The following CELF2 variants were observed in gnomAD, a reference collection of about 807,000 sequenced individuals.
CELF2 encodes the protein CUG triplet repeat RNA-binding protein 2.
CELF2 carries 8 observed loss-of-function variants against 62.6 expected under a neutral mutation model. The ratio of observed to expected loss-of-function variants is 0.13; its 90% CI spans 0.07 to 0.23. The LOEUF (loss-of-function observed/expected upper bound fraction) is 0.23. Among genes scored for constraint, CELF2 ranks in the 10% least tolerant of loss-of-function variants. The probability of loss-of-function intolerance (pLI) is 1.00; values close to 1 mark genes in which losing one functional copy is unlikely to be tolerated. For synonymous variants in CELF2, 258 were observed against 250.0 expected, an observed-to-expected ratio of 1.03 and a Z score of -0.30; for missense variants, 333 against 671.0, an observed-to-expected ratio of 0.50 and a Z score of 5.56.
intron 1 of CELF2, among the ~76,000 whole-genome samples, chr10:11,047,571 G>A (rs1469237946): frequency 1.3e-5 from 2 of 152,122 alleles, no homozygotes; most frequent in Admixed American, 6.5e-5. Flanking sequence ...CTACGTTATA[G>A]CATCGTCTTT....
chr10:10,563,361 A>AG, the CELF2 span, among the ~76,000 whole-genome samples: 1 of 152,126 alleles, frequency 6.6e-6, no homozygotes, highest in Admixed American at 6.5e-5. Context: ...CTCTAATCCC[A>AG]GCACTTTGGG....
intron 2 of CELF2, among the ~76,000 whole-genome samples, chr10:11,193,295 A>G (rs1265648677): frequency 6.6e-6 from 1 of 152,228 alleles, no homozygotes; most frequent in African/African-American, 2.4e-5. Flanking sequence ...GAGGAGAAAG[A>G]GTGAAATTAA....
rs549498127 is a variant in CELF2 at position 10,936,429 on chromosome 10, C to T, written c.89+16430C>T. Among the ~76,000 whole-genome samples the T allele has an allele frequency of 1.5e-4, 23 of 152,254 alleles. No individual in the cohort carries two copies. Among genetic ancestry groups the T allele is most frequent in the Non-Finnish European group, 2.2e-4 (15 of 68,032 alleles). ...TTAGAGCTCCATGGAACCTGTTTTG[C>T]ATCGTCTCCTTGTTTCACAGATGAA... On this transcript the variant is annotated intron_variant, in intron 2 of 13. Transcript: ENST00000636488. The surrounding 1 kb of genome is among the most constrained non-coding windows in gnomAD (Gnocchi z 4.0).
In CELF2 at chr10:11,300,078, T is replaced by C. The variant is rs2093577431; in HGVS notation, c.976+11526T>C. Among the ~76,000 whole-genome samples, 1 of 152,150 alleles carries C rather than the reference T, an allele frequency of 6.6e-6. No individual in the cohort carries two copies. The highest frequency in any genetic ancestry group is 1.5e-5 in the Non-Finnish European group (1 of 68,024). ...CGGGACTGGGGAAGATGCTAAAAAT[T>C]AGGCCGGGTAGGGAGGCACCCTGGT... On this transcript the variant is annotated intron_variant, in intron 9 of 12. Transcript: ENST00000633077. The surrounding 1 kb of genome is among the most constrained non-coding windows in gnomAD (Gnocchi z 5.5).
chr10:11,308,619 A>G (rs1361119916), intron 9 of CELF2, among the ~76,000 whole-genome samples: 2 of 152,390 alleles, frequency 1.3e-5, no homozygotes, highest in African/African-American at 2.4e-5. Context: ...TAAATTACAT[A>G]TAGCCTATTA....
intron 1 of CELF2, among the ~76,000 whole-genome samples, chr10:11,035,326 G>C (rs1272072468): frequency 6.6e-6 from 1 of 152,198 alleles, no homozygotes; most frequent in African/African-American, 2.4e-5. Flanking sequence ...CCTGCTGGGA[G>C]ATGTCTCTCT....
At chr10:11,289,654 A>C (rs1200951240) in intron 9 of CELF2, among the ~76,000 whole-genome samples, 4 of 152,180 alleles carry the variant, frequency 2.6e-5, no homozygotes, top group African/African-American at 4.8e-5. Context: ...AGGTGTATTG[A>C]CTTCACTGTG....
the CELF2 span, among the ~76,000 whole-genome samples, chr10:10,650,576 CA>C: frequency 4.5e-4 from 69 of 152,110 alleles, no homozygotes; most frequent in African/African-American, 1.6e-3. Context: ...GAATTTTTCA[CA>C]AAATGAAATA....
chr10:10,692,341 G>A, the CELF2 span, among the ~76,000 whole-genome samples: 674 of 151,532 alleles, frequency 4.4e-3, 5 homozygotes, highest in African/African-American at 0.016. Context: ...TTATTTCTGA[G>A]GGCTCTGTTC....
At chr10:10,774,725 C>A in the CELF2 span, among the ~76,000 whole-genome samples, 1 of 152,094 alleles carries the variant, frequency 6.6e-6, no homozygotes, top group Non-Finnish European at 1.5e-5. Flanking sequence ...TCAGGTATTT[C>A]TTTATGGCAG....
In CELF2 at chr10:11,324,113, T is replaced by G. The variant is rs1035555112; in HGVS notation, c.1295-1723T>G. 6.6e-6 allele frequency among the ~76,000 whole-genome samples: 1 copy of G among 152,202 alleles called. No homozygotes were observed. Among genetic ancestry groups the G allele is most frequent in the African/African-American group, 2.4e-5 (1 of 41,444 alleles). ...GTCTCTCTGTTTCCTTGGTCTCTGT[T>G]GGGCATAGACAAATTCAGCATGAGC... On this transcript the variant is annotated intron_variant, in intron 11 of 12. Transcript: ENST00000633077. The surrounding 1 kb of genome is among the most constrained non-coding windows in gnomAD (Gnocchi z 4.7).
the CELF2 span, among the ~76,000 whole-genome samples, chr10:10,758,050 C>A: frequency 2.6e-5 from 4 of 152,284 alleles, no homozygotes; most frequent in East Asian, 5.8e-4. Flanking sequence ...ACAGACCTAT[C>A]AGCAATCTGC....
intron 2 of CELF2, among the ~76,000 whole-genome samples, chr10:10,985,483 C>T (rs961036960): frequency 1.2e-4 from 19 of 152,160 alleles, no homozygotes; most frequent in Non-Finnish European, 1.5e-5. Context: ...TTTTGTAAGA[C>T]ACCCAACACA....
the CELF2 span, among the ~76,000 whole-genome samples, chr10:10,664,871 A>G: frequency 6.6e-6 from 1 of 152,248 alleles, no homozygotes; most frequent in African/African-American, 2.4e-5. Flanking sequence ...GACATTTTGC[A>G]ATCGCAAAGA....
Position 11,314,369 on chromosome 10 carries a change from C to A in CELF2, c.1096+111C>A. 1 of 1,454,698 alleles carries A rather than the reference C, an allele frequency of 6.9e-7. No homozygotes were observed. Among genetic ancestry groups the A allele is most frequent in the Non-Finnish European group, 9.6e-7 (1 of 1,041,176 alleles). 90.1% of individuals were successfully genotyped at this position (1,454,698 alleles called of 1,614,324 possible). A position where few individuals can be genotyped will look rare whatever the true frequency, so the allele number is the denominator to read the frequency against. On this transcript the variant is annotated intron_variant, in intron 10 of 12. Coordinates refer to ENST00000633077, the MANE Select transcript of CELF2 (RefSeq NM_001326342.2). This position sits in a 1 kb window ranked among gnomAD's most constrained non-coding sequence, Gnocchi z 5.3. ...GAAAAAGGATATGCCACGGGGAGAA[C>A]TAAAACTTGGGATGGAGGAGCACAT... is the stretch of plus-strand genomic sequence containing the variant.
chr10:11,212,804 C>T (rs1244420058), intron 2 of CELF2, among the ~76,000 whole-genome samples: 1 of 133,690 alleles, frequency 7.5e-6, no homozygotes, highest in Non-Finnish European at 1.5e-5. Flanking sequence ...TTGTTGAGGT[C>T]GCTGAAACAA....
intron 1 of CELF2, among the ~76,000 whole-genome samples, chr10:10,821,391 G>A (rs926787675): frequency 2.6e-5 from 4 of 152,224 alleles, no homozygotes; most frequent in Admixed American, 6.5e-5. Context: ...ATGGAAAGGC[G>A]AGAGTACCAG....
chr10:10,488,054 AC>A, the CELF2 span, among the ~76,000 whole-genome samples: 1 of 152,170 alleles, frequency 6.6e-6, no homozygotes, highest in Non-Finnish European at 1.5e-5. Flanking sequence ...TCATGAGAAA[AC>A]AAAAGTCCCC....
At chr10:11,210,943 T>C (rs2061639543) in intron 2 of CELF2, among the ~76,000 whole-genome samples, 1 of 152,182 alleles carries the variant, frequency 6.6e-6, no homozygotes, top group Non-Finnish European at 1.5e-5. Flanking sequence ...AAAACAAAAA[T>C]TAAAATCCCA....
Sources: allele counts gnomAD v4.1 joint callset (sites outside exome capture counted in the v4.1 genomes callset), GRCh38; gene constraint gnomAD v4.1.1; non-coding constraint Gnocchi (gnomAD v3.1); transcripts MANE v1.5; gene names NCBI Gene and HGNC (gene_info 2026-07-23, HGNC 2026-07-21).